Variants in SEPTIN7 observed in about 807,000 individuals in gnomAD.
SEPTIN7 encodes the protein septin-7.
In SEPTIN7, 10 loss-of-function variants were observed where a neutral mutation model predicts 63.3. That is an observed-to-expected ratio of 0.16 (90% CI 0.10 to 0.27). The LOEUF (loss-of-function observed/expected upper bound fraction) is 0.27. SEPTIN7 is among the 10% of genes least tolerant of loss of function. The pLI is 1.00. For synonymous variants in SEPTIN7, 131 were observed against 165.3 expected (o/e 0.79, Z 1.59); for missense variants, 310 against 521.0 (o/e 0.59, Z 3.94).
At chr7:35,870,079 C>T (rs13310614) in intron 4 of SEPTIN7, among the ~76,000 whole-genome samples, 3 of 152,164 alleles carry the variant, frequency 2.0e-5, no homozygotes, top group Admixed American at 1.3e-4. Context: ...AGGATACAGT[C>T]GGATCCTGTG....
chr7:35,902,828 T>G, intron 12 of SEPTIN7: 1 of 377,830 alleles, frequency 2.6e-6, no homozygotes. Flanking sequence ...CTCCACACTG[T>G]TAAGTTTGTT....
intron 1 of SEPTIN7, chr7:35,815,100 A>G (rs1305851933): frequency 2.5e-6 from 1 of 405,542 alleles, no homozygotes; most frequent in Non-Finnish European, 4.9e-6. Context: ...TAGACCTTTC[A>G]GGTGGCTCTT....
At chr7:35,850,153 A>G (rs2715601) in intron 3 of SEPTIN7, among the ~76,000 whole-genome samples, 8 of 152,174 alleles carry the variant, frequency 5.3e-5, no homozygotes, top group African/African-American at 1.9e-4. Flanking sequence ...ATGATCATCT[A>G]TTTTGAAATA....
rs1345124918 is a variant in SEPTIN7 at position 35,904,480 on chromosome 7, T to C, written c.*187T>C. ...AGATGCCTTGAATTGTCTAGGGTGTTCTGTACTTAGAAAGTAAGAGCTCTA... is the reference window on the plus strand; with the variant it reads ...AGATGCCTTGAATTGTCTAGGGTGTCCTGTACTTAGAAAGTAAGAGCTCTA... On this transcript the variant is annotated 3_prime_UTR_variant, in exon 14 of 14. Coordinates refer to ENST00000350320, the MANE Select transcript of SEPTIN7 (RefSeq NM_001788.6). 1 of 423,694 alleles carries C rather than the reference T, an allele frequency of 2.4e-6. No homozygotes were observed. The highest frequency in any genetic ancestry group is 4.2e-6 in the Non-Finnish European group (1 of 240,470). 26.2% of individuals were successfully genotyped at this position (423,694 alleles called of 1,614,324 possible). A position where few individuals can be genotyped will look rare whatever the true frequency, so the allele number is the denominator to read the frequency against.
At position 35,849,133 on chromosome 7, in the gene SEPTIN7, A is replaced by G. The variant is rs189880408; in HGVS notation, c.170-14419A>G. 4.7e-4 allele frequency among the ~76,000 whole-genome samples: 71 copies of G among 152,328 alleles called. 1 individual carries two copies. The highest frequency in any genetic ancestry group is 1.7e-3 in the African/African-American group (69 of 41,572). On this transcript the variant is annotated intron_variant, in intron 3 of 13. Coordinates refer to ENST00000350320, the MANE Select transcript of SEPTIN7 (RefSeq NM_001788.6). ...GCCTTTTAGTATTAGCATGTACATC[A>G]GTGTGTATGTTAAAGGATACCCTAA...
At chr7:35,865,045 T>C (rs1389057046) in intron 4 of SEPTIN7, among the ~76,000 whole-genome samples, 5 of 151,590 alleles carry the variant, frequency 3.3e-5, no homozygotes, top group Admixed American at 6.6e-5. Context: ...TTTGGTAACC[T>C]TTATAGGGCT....
intron 10 of SEPTIN7, among the ~76,000 whole-genome samples, chr7:35,889,411 A>G (rs949007384): frequency 2.0e-5 from 3 of 152,230 alleles, no homozygotes; most frequent in Non-Finnish European, 4.4e-5. Context: ...TTGCATGGAA[A>G]TGTCAGTACG....
intron 3 of SEPTIN7, among the ~76,000 whole-genome samples, chr7:35,859,490 A>G (rs951658416): frequency 2.4e-4 from 36 of 152,184 alleles, no homozygotes; most frequent in African/African-American, 7.2e-4. Context: ...TGTTTTGTCT[A>G]TGTCTGTTAG....
chr7:35,854,729 G>T (rs1189322248), intron 3 of SEPTIN7, among the ~76,000 whole-genome samples: 2 of 151,924 alleles, frequency 1.3e-5, no homozygotes, highest in African/African-American at 2.4e-5. Context: ...CTCTTCTCAG[G>T]CATTCTTGAC....
chr7:35,821,837 G>A (rs1562746209), intron 1 of SEPTIN7, among the ~76,000 whole-genome samples: 1 of 151,858 alleles, frequency 6.6e-6, no homozygotes, highest in Non-Finnish European at 1.5e-5. Flanking sequence ...GGAGTGCAGT[G>A]GCACGATCTT....
In SEPTIN7 at chr7:35,872,660, T is replaced by G. The variant is rs146866013; in HGVS notation, c.277-6T>G. On this transcript the variant is annotated splice_region_variant and splice_polypyrimidine_tract_variant and intron_variant, in intron 4 of 13. Coordinates refer to ENST00000350320, the MANE Select transcript of SEPTIN7 (RefSeq NM_001788.6). ...ATATTAACATCTGCACCAATTACTCTTACAGGTGGAACAATCCAAAGTTTT... is the reference window on the plus strand; with the variant it reads ...ATATTAACATCTGCACCAATTACTCGTACAGGTGGAACAATCCAAAGTTTT... The G allele has an allele frequency of 2.5e-6, 4 of 1,604,254 alleles. No homozygotes were observed. In the African/African-American group the frequency reaches 4.0e-5, roughly 16 times the overall value.
intron 1 of SEPTIN7, among the ~76,000 whole-genome samples, chr7:35,830,471 G>A (rs1783777988): frequency 6.6e-6 from 1 of 152,278 alleles, no homozygotes; most frequent in South Asian, 2.1e-4. Context: ...AATTGATCTG[G>A]AGGTGCAGCT....
rs186241789 is a variant in SEPTIN7 at position 35,873,182 on chromosome 7, A to G, written c.377+416A>G. Among the ~76,000 whole-genome samples, 404 of 152,174 alleles carry G rather than the reference A, an allele frequency of 2.7e-3. 2 individuals carry two copies. Among genetic ancestry groups the G allele is most frequent in the African/African-American group, 9.3e-3 (387 of 41,564 alleles). ...GTGAAGAAAACAACTATGAAATTTT[A>G]GTCTGAAGTAATTATCTTAGTATTT... On this transcript the variant is annotated intron_variant, in intron 5 of 13. Coordinates refer to ENST00000350320, the MANE Select transcript of SEPTIN7 (RefSeq NM_001788.6).
In SEPTIN7 at chr7:35,815,347, TTA is replaced by T. The variant is rs1788992347; in HGVS notation, c.61+14086_61+14087del. The stretch of plus-strand genomic sequence containing the variant: ...AGACAGAGGTAGGCAATATATGAAT[TTA>T]TATATATACATCTGTATTTTTGTAT... On this transcript the variant is annotated intron_variant, in intron 1 of 13. Transcript: ENST00000350320. 3.3e-5 allele frequency among the ~76,000 whole-genome samples: 5 copies of T among 152,268 alleles called. No homozygotes were observed. The South Asian group carries it at 1.0e-3, about 32-fold the overall frequency.
At chr7:35,894,635 A>G (rs1013841901) in intron 11 of SEPTIN7, among the ~76,000 whole-genome samples, 6 of 152,192 alleles carry the variant, frequency 3.9e-5, no homozygotes, top group Non-Finnish European at 5.9e-5. Context: ...AATGTTGGCA[A>G]CCATTATTAC....
At chr7:35,808,552 A>T (rs1788499428) in intron 1 of SEPTIN7, among the ~76,000 whole-genome samples, 1 of 152,322 alleles carries the variant, frequency 6.6e-6, no homozygotes, top group Non-Finnish European at 1.5e-5. Flanking sequence ...CCATTCTGGA[A>T]GCTAGGAAGT....
intron 12 of SEPTIN7, chr7:35,900,431 C>CTG (rs1161124059): frequency 3.9e-5 from 6 of 152,214 alleles, no homozygotes; most frequent in African/African-American, 1.4e-4. Context: ...TCAAAAGTCA[C>CTG]TGTCTTAGCT....
chr7:35,853,964 G>T (rs1028447579), intron 3 of SEPTIN7, among the ~76,000 whole-genome samples: 1 of 152,120 alleles, frequency 6.6e-6, no homozygotes, highest in African/African-American at 2.4e-5. Context: ...ACCTTAAAAT[G>T]GTATTGATAA....
intron 1 of SEPTIN7, chr7:35,803,089 T>G: frequency 1.3e-6 from 1 of 746,718 alleles, no homozygotes; most frequent in Non-Finnish European, 1.6e-6. Flanking sequence ...GTTAAGTTGA[T>G]TTTAATTAGT....
Sources: gnomAD v4.1 joint callset for allele counts (sites outside exome capture counted in the v4.1 genomes callset) on GRCh38, gnomAD v4.1.1 for gene constraint, MANE v1.5 for transcripts, NCBI Gene and HGNC (gene_info 2026-07-23, HGNC 2026-07-21) for gene names.